The following CNOT4 variants were observed in gnomAD, a reference collection of about 807,000 sequenced individuals.
CNOT4 encodes the protein CCR4-associated factor 4.
A neutral mutation model predicts 73.8 loss-of-function variants in CNOT4; 8 were observed. The observed-to-expected ratio is 0.11, with a 90% CI of 0.06 to 0.20. The LOEUF is 0.20. CNOT4 is among the 10% of genes least tolerant of loss of function. The pLI, the probability that CNOT4 is intolerant of heterozygous loss-of-function variation, is 1.00. For synonymous variants in CNOT4, 293 were observed against 321.1 expected (o/e 0.91, Z 0.94); for missense variants, 564 against 883.4 (o/e 0.64, Z 4.58).
chr7:135,405,940 G>C (rs1310746204), intron 7 of CNOT4, among the ~76,000 whole-genome samples: 1 of 152,080 alleles, frequency 6.6e-6, no homozygotes, highest in Non-Finnish European at 1.5e-5. Context: ...ATCTAGGAAT[G>C]CCAAGAAATG....
At chr7:135,508,923 C>T (rs1260253073) in intron 1 of CNOT4, 1 of 150,576 alleles carries the variant, frequency 6.6e-6, no homozygotes, top group African/African-American at 2.4e-5. Flanking sequence ...TAAAACCGGT[C>T]CAAAACGAAA....
At chr7:135,410,765 A>G (rs953458504) in intron 6 of CNOT4, 117 bp from the exon 7 acceptor site, 1 of 620,346 alleles carries the variant, frequency 1.6e-6, no homozygotes, top group Non-Finnish European at 2.1e-6. Flanking sequence ...TATTTTTAAA[A>G]AATAAAATAT....
chr7:135,452,748 TA>T (rs1323038519), intron 1 of CNOT4, among the ~76,000 whole-genome samples: 1 of 152,052 alleles, frequency 6.6e-6, no homozygotes, highest in African/African-American at 2.4e-5. Context: ...AAAGGGACAA[TA>T]GAGTGATGAG....
chr7:135,407,627 A>G (rs1460392296), intron 7 of CNOT4, among the ~76,000 whole-genome samples: 1 of 152,336 alleles, frequency 6.6e-6, no homozygotes, highest in East Asian at 1.9e-4. Context: ...AACAGGAAAA[A>G]GAAAATCTTT....
At position 135,495,669 on chromosome 7, in the gene CNOT4, CAAAAAAAAAAA is replaced by C. The variant is rs1198174318; in HGVS notation, c.-93+14209_-93+14219del. ...TAGGTAACAGAGTGAGACCCTGTGT[CAAAAAAAAAAA>C]AAAAAAAAAAAAAGAAAGAAAGAAA... is the stretch of plus-strand genomic sequence containing the variant. On this transcript the variant is annotated intron_variant, in intron 1 of 11. Coordinates refer to ENST00000541284, the MANE Select transcript of CNOT4 (RefSeq NM_001190850.2). 1.8e-3 allele frequency among the ~76,000 whole-genome samples: 57 copies of C among 31,856 alleles called. 1 individual carries two copies. The highest frequency in any genetic ancestry group is 6.5e-3 in the African/African-American group (52 of 8,042). The allele number at this position is 31,856 out of a possible 152,430, so 20.9% of individuals were successfully genotyped here.
intron 2 of CNOT4, among the ~76,000 whole-genome samples, chr7:135,426,028 C>G (rs1438502330): frequency 6.6e-6 from 1 of 151,810 alleles, no homozygotes; most frequent in Non-Finnish European, 1.5e-5. Context: ...CTGAGCAACA[C>G]AGTGAGACCC....
At chr7:135,508,728 C>G (rs778022410) in intron 1 of CNOT4, among the ~76,000 whole-genome samples, 4 of 152,092 alleles carry the variant, frequency 2.6e-5, no homozygotes, top group Non-Finnish European at 5.9e-5. Flanking sequence ...AATACAGAAC[C>G]CACACATAAC....
At chr7:135,427,351 T>A (rs1798564460) in intron 2 of CNOT4, among the ~76,000 whole-genome samples, 1 of 152,054 alleles carries the variant, frequency 6.6e-6, no homozygotes, top group African/African-American at 2.4e-5. Flanking sequence ...TTTCACAAAA[T>A]TCTGCTTACT....
intron 10 of CNOT4, chr7:135,384,254 TCA>T (rs1332967837): frequency 6.3e-6 from 1 of 158,992 alleles, no homozygotes; most frequent in East Asian, 1.8e-4. Context: ...CTCTTACAAA[TCA>T]CAGAGGAAGA....
chr7:135,433,208 T>A (rs963780839), intron 2 of CNOT4, among the ~76,000 whole-genome samples: 1 of 152,178 alleles, frequency 6.6e-6, no homozygotes, highest in African/African-American at 2.4e-5. Context: ...AAATATTTCA[T>A]CTCTTTTGCT....
chr7:135,452,030 CTGATG>C (rs1019069694), intron 1 of CNOT4, among the ~76,000 whole-genome samples: 4 of 152,028 alleles, frequency 2.6e-5, no homozygotes, highest in African/African-American at 9.7e-5. Context: ...GGAGGCTCAC[CTGATG>C]CTAGGAGTTC....
chr7:135,465,564 G>C (rs966106464), intron 1 of CNOT4, among the ~76,000 whole-genome samples: 4 of 152,008 alleles, frequency 2.6e-5, no homozygotes, highest in Non-Finnish European at 5.9e-5. Flanking sequence ...AAGTTAACCG[G>C]AAAAGCAGCC....
chr7:135,410,259 C>T (rs1337531336), intron 7 of CNOT4, among the ~76,000 whole-genome samples: 1 of 152,126 alleles, frequency 6.6e-6, no homozygotes, highest in Non-Finnish European at 1.5e-5. Flanking sequence ...AAAGTATTCC[C>T]TGGGCTCAGA....
chr7:135,506,834 C>A (rs866114020), intron 1 of CNOT4, among the ~76,000 whole-genome samples: 6 of 147,714 alleles, frequency 4.1e-5, no homozygotes, highest in Non-Finnish European at 8.9e-5. Context: ...AGTGACAGAG[C>A]GAGACTGTCT....
At chr7:135,471,224 G>A (rs770736605) in intron 1 of CNOT4, among the ~76,000 whole-genome samples, 22 of 151,942 alleles carry the variant, frequency 1.4e-4, no homozygotes, top group Non-Finnish European at 2.9e-4. Context: ...AACCTTCAGT[G>A]AGAAGACTGG....
chr7:135,440,009 T>A lies in CNOT4; in HGVS notation c.-92-1586A>T, dbSNP rs536222353. ...TAAAGAAAAAAAAAACAGATTTTTT[T>A]AAAAATCTTGGGATATAGAAGGTCT... On this transcript the variant is annotated intron_variant, in intron 1 of 11. Transcript: ENST00000541284. Among the ~76,000 whole-genome samples, 468 of 151,894 alleles carry A rather than the reference T, an allele frequency of 3.1e-3. 1 individual carries two copies. The highest frequency in any genetic ancestry group is 0.01 in the African/African-American group (424 of 41,440).
At chr7:135,397,524 C>G (rs917598333) in intron 8 of CNOT4, among the ~76,000 whole-genome samples, 8 of 150,670 alleles carry the variant, frequency 5.3e-5, no homozygotes, top group African/African-American at 2.0e-4. Flanking sequence ...GGAGGACTGG[C>G]TATTCTTTAC....
intron 1 of CNOT4, among the ~76,000 whole-genome samples, chr7:135,463,544 C>CAA (rs34696755): frequency 4.8e-5 from 5 of 103,772 alleles, no homozygotes; most frequent in African/African-American, 6.8e-5. Flanking sequence ...TCCCCCCACC[C>CAA]AAAAAAAAAA....
At chr7:135,425,135 C>T (rs1798419547) in intron 2 of CNOT4, among the ~76,000 whole-genome samples, 1 of 152,198 alleles carries the variant, frequency 6.6e-6, no homozygotes, top group Admixed American at 6.5e-5. Flanking sequence ...CACTCTATAT[C>T]AGTCCTCAAC....
Sources: allele counts gnomAD v4.1 joint callset (sites outside exome capture counted in the v4.1 genomes callset), GRCh38; gene constraint gnomAD v4.1.1; transcripts MANE v1.5; gene names NCBI Gene and HGNC (gene_info 2026-07-23, HGNC 2026-07-21).